The following AP1S3 variants were observed in gnomAD, a reference collection of about 807,000 sequenced individuals.
AP1S3 encodes adaptor related protein complex 1 subunit sigma 3.
AP1S3 carries 10 observed loss-of-function variants against 20.9 expected under a neutral mutation model. The ratio of observed to expected loss-of-function variants is 0.48; its 90% CI spans 0.29 to 0.81. The LOEUF (loss-of-function observed/expected upper bound fraction) is 0.81. Ranked by LOEUF, AP1S3 falls within the 30% of genes least tolerant of loss-of-function variation. The pLI is 0.08. For synonymous variants in AP1S3, 41 were observed against 61.5 expected (o/e 0.67, Z 1.56); for missense variants, 154 against 183.8 (o/e 0.84, Z 0.94).
chr2:223,808,851 C>G (rs1245784540), intron 1 of AP1S3, among the ~76,000 whole-genome samples: 1 of 152,044 alleles, frequency 6.6e-6, no homozygotes, highest in Non-Finnish European at 1.5e-5. Flanking sequence ...ACAGAATTAG[C>G]TGGGTGTGGA....
At chr2:223,791,169 TC>T (rs547883040) in intron 1 of AP1S3, among the ~76,000 whole-genome samples, 33 of 152,252 alleles carry the variant, frequency 2.2e-4, no homozygotes, top group African/African-American at 7.0e-4. Flanking sequence ...TCTCCCTAAC[TC>T]ATTCATGAGG....
At chr2:223,779,231 A>T (rs1690863868) in intron 1 of AP1S3, among the ~76,000 whole-genome samples, 1 of 152,246 alleles carries the variant, frequency 6.6e-6, no homozygotes, top group Non-Finnish European at 1.5e-5. Context: ...ACATTAGAAC[A>T]TCTGGAAATT....
intron 1 of AP1S3, among the ~76,000 whole-genome samples, chr2:223,820,781 C>T (rs1200220516): frequency 1.3e-5 from 2 of 151,896 alleles, no homozygotes; most frequent in East Asian, 1.9e-4. Context: ...CACTTTTTCT[C>T]GGGAACTAGA....
intron 1 of AP1S3, among the ~76,000 whole-genome samples, chr2:223,780,149 C>T (rs867002411): frequency 6.6e-6 from 1 of 151,446 alleles, no homozygotes; most frequent in East Asian, 1.9e-4. Context: ...CCCCAGCCTA[C>T]AGAATTTGAG....
intron 1 of AP1S3, among the ~76,000 whole-genome samples, chr2:223,835,026 G>T (rs1398952437): frequency 1.3e-5 from 1 of 76,330 alleles, no homozygotes; most frequent in Non-Finnish European, 3.3e-5. Context: ...GAATGAGAAT[G>T]AAATGGGAAA....
At position 223,755,832 on chromosome 2, in the gene AP1S3, G is replaced by A. The variant is rs777739011; in HGVS notation, c.*2883C>T. On this transcript the variant is annotated 3_prime_UTR_variant, in exon 5 of 5. Coordinates refer to ENST00000396654, the MANE Select transcript of AP1S3 (RefSeq NM_001039569.2). ...GGCGTGAGCCACCTTGCCCAGAAGA[G>A]ATATATTTACTTTCTATGTGTGACA... is the stretch of plus-strand genomic sequence containing the variant. 1.0e-6 allele frequency: 1 copy of A among 985,182 alleles called. No homozygotes were observed. Among genetic ancestry groups the A allele is most frequent in the Non-Finnish European group, 1.2e-6 (1 of 829,892 alleles). 61.0% of individuals were successfully genotyped at this position (985,182 alleles called of 1,614,324 possible).
chr2:223,798,559 C>T (rs1691397966), intron 1 of AP1S3, among the ~76,000 whole-genome samples: 1 of 152,220 alleles, frequency 6.6e-6, no homozygotes, highest in Non-Finnish European at 1.5e-5. Context: ...TGTGAACATT[C>T]TCTCTATAAA....
At chr2:223,821,163 T>C (rs1001999912) in intron 1 of AP1S3, among the ~76,000 whole-genome samples, 26 of 152,308 alleles carry the variant, frequency 1.7e-4, no homozygotes, top group Admixed American at 1.3e-3. Context: ...TTTATCTATC[T>C]ATCTATCTAT....
At chr2:223,783,240 G>A (rs1383428756) in intron 1 of AP1S3, among the ~76,000 whole-genome samples, 2 of 152,120 alleles carry the variant, frequency 1.3e-5, no homozygotes, top group Admixed American at 6.6e-5. Context: ...CCAGGGAGGC[G>A]TGGTGACTTC....
At chr2:223,763,234 A>G (rs1690403274) in intron 4 of AP1S3, among the ~76,000 whole-genome samples, 1 of 152,164 alleles carries the variant, frequency 6.6e-6, no homozygotes, top group Admixed American at 6.5e-5. Context: ...AAGCCCCTCC[A>G]CTCATTCACC....
chr2:223,795,119 C>T lies in AP1S3; in HGVS notation c.4-17250G>A, dbSNP rs1574708452. On this transcript the variant is annotated intron_variant, in intron 1 of 4. Coordinates refer to ENST00000396654, the MANE Select transcript of AP1S3 (RefSeq NM_001039569.2). ...ACAAAATTAGCCGGGCGTGGTGGCA[C>T]ATGCCTGTAATCCCAGCTACTCAGG... Among the ~76,000 whole-genome samples, 4 of 152,248 alleles carry T rather than the reference C, an allele frequency of 2.6e-5. No homozygotes were observed. In the South Asian group the frequency reaches 8.3e-4, roughly 32 times the overall value.
chr2:223,809,082 T>A (rs1038623790), intron 1 of AP1S3, among the ~76,000 whole-genome samples: 1 of 152,236 alleles, frequency 6.6e-6, no homozygotes, highest in Admixed American at 6.5e-5. Flanking sequence ...AATTGCTCCC[T>A]TACAATCTGT....
At chr2:223,771,828 C>T (rs947837834) in intron 3 of AP1S3, among the ~76,000 whole-genome samples, 27 of 152,318 alleles carry the variant, frequency 1.8e-4, no homozygotes, top group African/African-American at 2.2e-4. Context: ...AAGAATAGGC[C>T]GGGCACAGTG....
intron 1 of AP1S3, among the ~76,000 whole-genome samples, chr2:223,828,058 T>TAAAAAAACAA (rs1692172915): frequency 1.1e-5 from 1 of 94,670 alleles, no homozygotes; most frequent in Non-Finnish European, 2.3e-5. Flanking sequence ...AGACTTCATC[T>TAAAAAAACAA]AAAAAAAAAA....
chr2:223,814,626 T>C (rs927758327), intron 1 of AP1S3, among the ~76,000 whole-genome samples: 2 of 152,180 alleles, frequency 1.3e-5, no homozygotes, highest in Admixed American at 1.3e-4. Context: ...ACATCCACTA[T>C]TTACAAAACA....
chr2:223,759,878 T>C (rs6714967), intron 4 of AP1S3, among the ~76,000 whole-genome samples: 61,503 of 152,052 alleles, frequency 0.4, 13,404 homozygotes, highest in South Asian at 0.59. Context: ...CATTTGGTTT[T>C]CTGTCCCTGC....
At chr2:223,824,217 G>C (rs1157792933) in intron 1 of AP1S3, among the ~76,000 whole-genome samples, 1 of 152,034 alleles carries the variant, frequency 6.6e-6, no homozygotes, top group Non-Finnish European at 1.5e-5. Flanking sequence ...TGCCCAGGCT[G>C]GCCTCGAACT....
intron 1 of AP1S3, among the ~76,000 whole-genome samples, chr2:223,830,794 C>G (rs1245961815): frequency 3.9e-5 from 6 of 152,172 alleles, no homozygotes; most frequent in African/African-American, 1.2e-4. Flanking sequence ...GTACTAGGTC[C>G]ATGCCCCATC....
At chr2:223,770,727 A>ATTTTT (rs764596538) in intron 3 of AP1S3, among the ~76,000 whole-genome samples, 17,101 of 115,102 alleles carry the variant, frequency 0.15, 3,790 homozygotes, top group African/African-American at 0.39. Flanking sequence ...AGACCAGTTC[A>ATTTTT]TTTTTTTTTT....
Sources: gnomAD v4.1 joint callset for allele counts (sites outside exome capture counted in the v4.1 genomes callset) on GRCh38, gnomAD v4.1.1 for gene constraint, MANE v1.5 for transcripts, NCBI Gene and HGNC (gene_info 2026-07-23, HGNC 2026-07-21) for gene names.